The following CNOT6L variants were observed in gnomAD, a reference collection of about 807,000 sequenced individuals.
The protein encoded by CNOT6L is CCR4-NOT transcription complex subunit 6-like.
Under a neutral mutation model 64.0 loss-of-function variants are expected in CNOT6L, and 7 were observed. The observed-to-expected ratio is 0.11, with a 90% CI of 0.06 to 0.21. The LOEUF is 0.21. Among genes scored for constraint, CNOT6L ranks in the 10% least tolerant of loss-of-function variants. The pLI is 1.00. For missense variants in CNOT6L, 245 were observed against 669.0 expected (o/e 0.37, Z 6.99); for synonymous variants, 193 against 243.4 (o/e 0.79, Z 1.93).
intron 1 of CNOT6L, among the ~76,000 whole-genome samples, chr4:77,813,540 T>TA (rs1178841473): frequency 6.6e-6 from 1 of 152,056 alleles, no homozygotes; most frequent in Non-Finnish European, 1.5e-5. Flanking sequence ...ATCTAGAGTA[T>TA]AAAAAAGACT....
intron 1 of CNOT6L, chr4:77,819,076 C>CACACACA: frequency 3.5e-6 from 1 of 282,478 alleles, no homozygotes; most frequent in African/African-American, 8.1e-5. Flanking sequence ...ACACACACAC[C>CACACACA]CCGGAACCTT....
chr4:77,804,215 G>A (rs1731955810), intron 1 of CNOT6L, among the ~76,000 whole-genome samples: 1 of 152,090 alleles, frequency 6.6e-6, no homozygotes, highest in Admixed American at 6.6e-5. Flanking sequence ...ATCACCTGAA[G>A]TCAGGAGTTT....
At chr4:77,776,135 A>G (rs1165994657) in intron 2 of CNOT6L, 136 bp downstream of exon 2, 1 of 810,102 alleles carries the variant, frequency 1.2e-6, no homozygotes, top group Non-Finnish European at 1.9e-6. Context: ...TAAAACAGAA[A>G]ACACTAGTAT....
intron 4 of CNOT6L, among the ~76,000 whole-genome samples, chr4:77,771,845 T>C (rs981872853): frequency 2.6e-5 from 4 of 152,224 alleles, no homozygotes; most frequent in African/African-American, 9.6e-5. Context: ...ATAAAATCTA[T>C]GAAAGTGTAT....
chr4:77,719,412 A>G lies in CNOT6L; in HGVS notation c.*1019T>C, dbSNP rs2109843006. On this transcript the variant is annotated 3_prime_UTR_variant, in exon 12 of 12. Transcript: ENST00000504123. ...TTTGCACTGTCATCTCAAGAAACCA[A>G]CAGCCACATAATCTATGTTGGAAAC... 6.5e-6 allele frequency: 1 copy of G among 152,756 alleles called. No individual in the cohort carries two copies. The highest frequency in any genetic ancestry group is 1.5e-5 in the Non-Finnish European group (1 of 68,028). The allele number at this position is 152,756 out of a possible 1,614,324, so 9.5% of individuals were successfully genotyped here.
intron 8 of CNOT6L, among the ~76,000 whole-genome samples, chr4:77,737,403 G>GTTTTTTTTTTT (rs1723076948): frequency 8.6e-6 from 1 of 116,046 alleles, no homozygotes; most frequent in African/African-American, 3.4e-5. Context: ...TATTTGTACC[G>GTTTTTTTTTTT]TTCTTTTTTT....
In CNOT6L at chr4:77,714,680, C is replaced by A. The variant is rs761808560; in HGVS notation, c.*5751G>T. 6.6e-6 allele frequency: 1 copy of A among 152,574 alleles called. No individual in the cohort carries two copies. Among genetic ancestry groups the A allele is most frequent in the Non-Finnish European group, 1.5e-5 (1 of 68,040 alleles). The allele number at this position is 152,574 out of a possible 1,614,324, so 9.5% of individuals were successfully genotyped here. A position where few individuals can be genotyped will look rare whatever the true frequency, so the allele number is the denominator to read the frequency against. ...TGTTTAAGAAATTTGTCACTCATAA[C>A]CCTGAACAATTCCAGATCCAGTGTG... On this transcript the variant is annotated 3_prime_UTR_variant, in exon 12 of 12. Coordinates refer to ENST00000504123, the MANE Select transcript of CNOT6L (RefSeq NM_144571.3).
chr4:77,794,603 T>C (rs1730591034), intron 1 of CNOT6L, among the ~76,000 whole-genome samples: 1 of 152,100 alleles, frequency 6.6e-6, no homozygotes, highest in South Asian at 2.1e-4. Flanking sequence ...AAACCTTCAT[T>C]TAAAAAATAA....
At chr4:77,740,303 T>C (rs1331322782) in intron 8 of CNOT6L, among the ~76,000 whole-genome samples, 1 of 151,986 alleles carries the variant, frequency 6.6e-6, no homozygotes, top group Non-Finnish European at 1.5e-5. Context: ...CCTGGGGAGG[T>C]TGAGGCTGCA....
chr4:77,747,591 A>AC (rs1724344210), intron 6 of CNOT6L, among the ~76,000 whole-genome samples: 1 of 152,098 alleles, frequency 6.6e-6, no homozygotes, highest in Non-Finnish European at 1.5e-5. Context: ...GTGATTAAAA[A>AC]AAAGACATTT....
chr4:77,775,579 CTAAT>C (rs1728057980), intron 2 of CNOT6L, among the ~76,000 whole-genome samples: 1 of 152,168 alleles, frequency 6.6e-6, no homozygotes, highest in Non-Finnish European at 1.5e-5. Flanking sequence ...TGCATTACTA[CTAAT>C]TAAACTCTAG....
chr4:77,785,221 A>T (rs913806864), intron 1 of CNOT6L, among the ~76,000 whole-genome samples: 1 of 152,216 alleles, frequency 6.6e-6, no homozygotes, highest in Non-Finnish European at 1.5e-5. Flanking sequence ...GTATATCCAT[A>T]TGGAAAAATA....
chr4:77,817,744 C>T (rs563436380), intron 1 of CNOT6L, among the ~76,000 whole-genome samples: 2 of 152,326 alleles, frequency 1.3e-5, no homozygotes, highest in African/African-American at 4.8e-5. Context: ...CTCTTCCCTC[C>T]ACTTCCCCGT....
At chr4:77,805,745 A>T (rs948963226) in intron 1 of CNOT6L, among the ~76,000 whole-genome samples, 1 of 152,206 alleles carries the variant, frequency 6.6e-6, no homozygotes, top group African/African-American at 2.4e-5. Context: ...CACTCATTTA[A>T]AATTGTCATT....
intron 10 of CNOT6L, 84 bp from the exon 11 acceptor site, chr4:77,726,453 T>C: frequency 1.1e-5 from 12 of 1,063,798 alleles, no homozygotes; most frequent in Non-Finnish European, 1.5e-5. Context: ...ACCAGGTTAA[T>C]CCACCAGGCT....
At chr4:77,756,304 T>C (rs771433849) in intron 5 of CNOT6L, among the ~76,000 whole-genome samples, 6 of 152,336 alleles carry the variant, frequency 3.9e-5, no homozygotes, top group South Asian at 4.1e-4. Flanking sequence ...GGTATTCTTA[T>C]AGAAGAAAAC....
chr4:77,819,376 C>A, upstream of CNOT6L: 7 of 1,547,512 alleles, frequency 4.5e-6, no homozygotes, highest in South Asian at 8.0e-5. Context: ...CACACAAACA[C>A]GCGCGCGCGC....
At chr4:77,759,328 G>T (rs1262703495) in intron 4 of CNOT6L, among the ~76,000 whole-genome samples, 2 of 151,842 alleles carry the variant, frequency 1.3e-5, no homozygotes, top group Non-Finnish European at 2.9e-5. Context: ...CAGTTTGGGA[G>T]GCCGAGGCGG....
intron 1 of CNOT6L, among the ~76,000 whole-genome samples, chr4:77,786,008 C>A (rs1343849379): frequency 6.6e-6 from 1 of 152,096 alleles, no homozygotes; most frequent in Non-Finnish European, 1.5e-5. Flanking sequence ...TGGCCGGGTG[C>A]GGTGGCTCAT....
Sources: gnomAD v4.1 joint callset for allele counts (sites outside exome capture counted in the v4.1 genomes callset) on GRCh38, gnomAD v4.1.1 for gene constraint, MANE v1.5 for transcripts, NCBI Gene and HGNC (gene_info 2026-07-23, HGNC 2026-07-21) for gene names.